The following APBA2 variants were observed in gnomAD, a reference collection of about 807,000 sequenced individuals.
The protein encoded by APBA2 is amyloid beta precursor protein binding family A member 2.
Under a neutral mutation model 75.0 loss-of-function variants are expected in APBA2, and 30 were observed. The observed-to-expected ratio is 0.40, with a 90% CI of 0.30 to 0.54. The LOEUF is 0.54. APBA2 is among the 20% of genes least tolerant of loss of function. The probability of loss-of-function intolerance (pLI) is 0.49; values close to 1 mark genes in which losing one functional copy is unlikely to be tolerated. For missense variants in APBA2, 801 were observed against 1,016.1 expected (o/e 0.79, Z 2.88); for synonymous variants, 444 against 409.6 (o/e 1.08, Z -1.01).
chr15:29,019,114 G>C (rs1052162662), intron 3 of APBA2, among the ~76,000 whole-genome samples: 1 of 152,190 alleles, frequency 6.6e-6, no homozygotes, highest in Non-Finnish European at 1.5e-5. Flanking sequence ...AAAAAAGTAA[G>C]CAGAGGACAG....
At chr15:28,985,783 G>T (rs887634421) in intron 2 of APBA2, among the ~76,000 whole-genome samples, 7 of 152,200 alleles carry the variant, frequency 4.6e-5, no homozygotes, top group East Asian at 1.9e-4. Context: ...CAGCTCAGCT[G>T]GTTCGTTCTA....
intron 10 of APBA2, among the ~76,000 whole-genome samples, chr15:29,104,525 G>C (rs998251342): frequency 6.6e-6 from 1 of 152,252 alleles, no homozygotes; most frequent in African/African-American, 2.4e-5. Context: ...GTCAGAGTCG[G>C]TGATGTCCAC....
intron 6 of APBA2, among the ~76,000 whole-genome samples, chr15:29,092,155 G>C (rs188126807): frequency 6.6e-6 from 1 of 152,084 alleles, no homozygotes; most frequent in Non-Finnish European, 1.5e-5. Flanking sequence ...TACTGTCTAC[G>C]GCTACCTTTA....
intron 3 of APBA2, among the ~76,000 whole-genome samples, chr15:29,005,725 G>A (rs750410153): frequency 2.6e-5 from 4 of 152,184 alleles, no homozygotes; most frequent in African/African-American, 7.2e-5. Context: ...ATTGCCTGTC[G>A]TGGTGGCAGA....
chr15:28,988,491 T>C lies in APBA2; in HGVS notation c.-94-7262T>C, dbSNP rs959873487. Among the ~76,000 whole-genome samples, 13 of 152,202 alleles carry C rather than the reference T, an allele frequency of 8.5e-5. No individual in the cohort carries two copies. The South Asian group carries it at 2.7e-3, about 32-fold the overall frequency. ...GTTGGCCAGGCTGGTCTCGAACTCC[T>C]GGCCTCAAGTGATCCGCCTACCTTG... is the stretch of plus-strand genomic sequence containing the variant. On this transcript the variant is annotated intron_variant, in intron 2 of 14. Transcript: ENST00000683413.
intron 1 of APBA2, among the ~76,000 whole-genome samples, chr15:28,898,168 T>C (rs1475890859): frequency 6.6e-6 from 1 of 152,188 alleles, no homozygotes; most frequent in Non-Finnish European, 1.5e-5. Context: ...TGAAACTGCA[T>C]GTAGACTTCT....
At position 29,105,519 on chromosome 15, in the gene APBA2, C is replaced by A. The variant is rs74731330; in HGVS notation, c.1665C>A (p.Asp555Glu). Residue 555 changes from aspartate to glutamate, a missense_variant, in exon 11 of 15, where the codon GAC becomes GAA. Asp to Glu is a conservative substitution (Grantham distance 45). This residue lies in a region of APBA2 where 367 missense variants were observed against 544.5 expected (regional missense o/e 0.67). Transcript: ENST00000683413. ...TCAACACCCAGGAGATGTACAACGA[C>A]GACCTCATCCACTTCTCAAACTCGG... ...DIINTQEMYNDDLIHFSNSEN... is the reference protein window; with the variant it reads ...DIINTQEMYNEDLIHFSNSEN... 2 of 1,613,622 alleles carry A rather than the reference C, an allele frequency of 1.2e-6. No homozygotes were observed. The highest frequency in any genetic ancestry group is 2.7e-5 in the African/African-American group (2 of 74,896).
At chr15:28,949,049 G>T (rs2035705709) in intron 2 of APBA2, among the ~76,000 whole-genome samples, 1 of 151,996 alleles carries the variant, frequency 6.6e-6, no homozygotes, top group East Asian at 1.9e-4. Flanking sequence ...TAGTTGTTTT[G>T]TTTCTTGTTC....
chr15:29,114,269 G>A (rs529899179), intron 14 of APBA2, among the ~76,000 whole-genome samples: 1 of 152,330 alleles, frequency 6.6e-6, no homozygotes, highest in South Asian at 2.1e-4. Context: ...TTTGGGACTG[G>A]ACCTGTATGT....
intron 9 of APBA2, among the ~76,000 whole-genome samples, chr15:29,100,866 C>G: frequency 6.6e-6 from 1 of 152,154 alleles, no homozygotes; most frequent in East Asian, 1.9e-4. Flanking sequence ...AGCCCGAGAG[C>G]TCACCTGACA....
intron 2 of APBA2, among the ~76,000 whole-genome samples, chr15:28,934,717 C>T (rs1045102830): frequency 1.3e-5 from 2 of 152,160 alleles, no homozygotes; most frequent in African/African-American, 2.4e-5. Context: ...AGATGGTTCA[C>T]CTCTGAAGGA....
chr15:28,988,170 C>A (rs146640003), intron 2 of APBA2, among the ~76,000 whole-genome samples: 1 of 152,064 alleles, frequency 6.6e-6, no homozygotes, highest in East Asian at 1.9e-4. Flanking sequence ...TGTTTATGGC[C>A]TAGTACATGT....
intron 1 of APBA2, among the ~76,000 whole-genome samples, chr15:28,912,132 A>C (rs2033458124): frequency 1.3e-5 from 2 of 152,150 alleles, no homozygotes; most frequent in Admixed American, 1.3e-4. Context: ...AAATGGGCTT[A>C]ATATGAAATT....
At chr15:28,967,924 C>CATTAAGCAGGTCATTAA (rs1184253104) in intron 2 of APBA2, among the ~76,000 whole-genome samples, 5 of 152,166 alleles carry the variant, frequency 3.3e-5, no homozygotes, top group Admixed American at 3.3e-4. Flanking sequence ...AATTTAACCT[C>CATTAAGCAGGTCATTAA]TGCACTCATT....
intron 1 of APBA2, among the ~76,000 whole-genome samples, chr15:28,904,879 A>T (rs2033060703): frequency 6.6e-6 from 1 of 152,154 alleles, no homozygotes; most frequent in African/African-American, 2.4e-5. Flanking sequence ...GGCTGGAGAG[A>T]GACTGTTAGT....
At chr15:29,094,895 C>CA (rs2043774153) in intron 8 of APBA2, among the ~76,000 whole-genome samples, 1 of 59,828 alleles carries the variant, frequency 1.7e-5, no homozygotes, top group African/African-American at 3.2e-5. Context: ...ACCCTGTCTC[C>CA]ACAACTTTTT....
chr15:29,013,178 G>T (rs1342379789), intron 3 of APBA2, among the ~76,000 whole-genome samples: 3 of 151,528 alleles, frequency 2.0e-5, no homozygotes, highest in Non-Finnish European at 4.4e-5. Flanking sequence ...ATAGTTGATG[G>T]TGCCTCATGG....
At chr15:29,114,929 ATG>A (rs1288707367) in intron 14 of APBA2, among the ~76,000 whole-genome samples, 5 of 141,336 alleles carry the variant, frequency 3.5e-5, no homozygotes, top group African/African-American at 8.7e-5. Context: ...ATGAGTGTGT[ATG>A]TGTGCACGGC....
In APBA2 at chr15:29,054,596, A is replaced by C. The variant is rs1353391828; in HGVS notation, c.712A>C (p.Ser238Arg). The change falls in exon 4 of 15, where the codon AGC (serine) becomes CGC (arginine). Residue 238 changes from serine (S) to arginine (R), a missense_variant. Coordinates refer to ENST00000683413, the MANE Select transcript of APBA2 (RefSeq NM_001353788.2). The surrounding 1 kb of genome is among the most constrained non-coding windows in gnomAD (Gnocchi z 6.1). The part of the protein sequence containing the change: ...QIVAEIKMSL[S>R]MTSITSASEA... ...CGTGGCAGAGATCAAGATGAGTCTG[A>C]GCATGACCAGCATCACCAGCGCCAG... 6.2e-7 allele frequency: 1 copy of C among 1,614,130 alleles called. No homozygotes were observed. The highest frequency in any genetic ancestry group is 8.5e-7 in the Non-Finnish European group (1 of 1,180,022).
Sources: gnomAD v4.1 joint callset for allele counts (sites outside exome capture counted in the v4.1 genomes callset) on GRCh38, gnomAD v4.1.1 for gene constraint, gnomAD v4.1.1 regional missense constraint, Gnocchi (gnomAD v3.1) non-coding constraint, MANE v1.5 for transcripts, NCBI Gene and HGNC (gene_info 2026-07-23, HGNC 2026-07-21) for gene names.